The following NAV2 variants were observed in gnomAD, a reference collection of about 807,000 sequenced individuals.
NAV2 encodes neuron navigator 2, also known as helicase, APC down-regulated 1.
Under a neutral mutation model 223.2 loss-of-function variants are expected in NAV2, and 54 were observed. The ratio of observed to expected loss-of-function variants is 0.24; its 90% CI spans 0.19 to 0.30. NAV2 has a LOEUF of 0.30. Among genes scored for constraint, NAV2 ranks in the 10% least tolerant of loss-of-function variants. The probability of loss-of-function intolerance (pLI) is 1.00; values close to 1 mark genes in which losing one functional copy is unlikely to be tolerated. For synonymous variants in NAV2, 1,279 were observed against 1,239.3 expected, an observed-to-expected ratio of 1.03 and a Z score of -0.67; for missense variants, 2,806 against 3,147.5, an observed-to-expected ratio of 0.89 and a Z score of 2.60.
chr11:19,529,734 C>G (rs1254541596), intron 1 of NAV2, among the ~76,000 whole-genome samples: 1 of 152,128 alleles, frequency 6.6e-6, no homozygotes, highest in Non-Finnish European at 1.5e-5. Flanking sequence ...CAGGGCACCC[C>G]CTTGTCCTGA....
At chr11:19,433,307 C>T (rs1011702289) in intron 1 of NAV2, among the ~76,000 whole-genome samples, 1 of 152,050 alleles carries the variant, frequency 6.6e-6, no homozygotes, top group African/African-American at 2.4e-5. Flanking sequence ...GGTGAGCTCC[C>T]CATCAAAGAG....
At chr11:19,715,801 C>G (rs1443326494) in intron 1 of NAV2, among the ~76,000 whole-genome samples, 1 of 152,202 alleles carries the variant, frequency 6.6e-6, no homozygotes, top group Non-Finnish European at 1.5e-5. Context: ...CATTTCACCT[C>G]TCTCGCCCTC....
chr11:20,085,016 C>T (rs1268592480), intron 26 of NAV2, among the ~76,000 whole-genome samples: 1 of 151,768 alleles, frequency 6.6e-6, no homozygotes, highest in Non-Finnish European at 1.5e-5. Flanking sequence ...TAGTGAGACT[C>T]TGTCTCTACA....
chr11:19,470,205 A>G (rs182896850), intron 1 of NAV2, among the ~76,000 whole-genome samples: 1 of 152,322 alleles, frequency 6.6e-6, no homozygotes, highest in Admixed American at 6.5e-5. Context: ...ATGATTTTTC[A>G]TGACTCCAGT....
chr11:19,663,086 C>T, intron 1 of NAV2, among the ~76,000 whole-genome samples: 1 of 152,292 alleles, frequency 6.6e-6, no homozygotes, highest in East Asian at 1.9e-4. Context: ...CCAACCAGCC[C>T]ATGTTGACTC....
intron 1 of NAV2, among the ~76,000 whole-genome samples, chr11:19,543,385 C>T (rs1015846125): frequency 1.3e-5 from 2 of 152,178 alleles, no homozygotes; most frequent in African/African-American, 2.4e-5. Flanking sequence ...TGTCAACCAA[C>T]GTAACAGTAA....
rs1161857274 is a variant in NAV2, at chr11:19,393,895, GTTTTTTTTTTCTTT to G, written c.75+42879_75+42892del. ...TAAAAAGAGATTTTATAACTTAAGGGTTTTTTTTTTCTTTTTTTTTTTTTAGGTCAAATCTCACT... is the reference window on the plus strand; with the variant it reads ...TAAAAAGAGATTTTATAACTTAAGGGTTTTTTTTTTAGGTCAAATCTCACT... On this transcript the variant is annotated intron_variant, in intron 1 of 37. Coordinates refer to the NAV2 transcript ENST00000360655. Among the ~76,000 whole-genome samples the G allele has an allele frequency of 2.8e-3, 384 of 136,228 alleles. 3 individuals are homozygous for G. The highest frequency in any genetic ancestry group is 0.01 in the African/African-American group (374 of 36,766). 89.4% of individuals were successfully genotyped at this position (136,228 alleles called of 152,430 possible).
At chr11:20,066,675 G>T (rs1213266796) in intron 20 of NAV2, among the ~76,000 whole-genome samples, 1 of 152,180 alleles carries the variant, frequency 6.6e-6, no homozygotes, top group Non-Finnish European at 1.5e-5. Context: ...GAGTTCTAAT[G>T]AATCATACCC....
upstream of NAV2, among the ~76,000 whole-genome samples, chr11:19,346,257 C>T (rs1360694506): frequency 1.3e-5 from 2 of 152,132 alleles, no homozygotes; most frequent in East Asian, 1.9e-4. Context: ...TGCATGTCTG[C>T]GAGTATCTGC....
intron 5 of NAV2, among the ~76,000 whole-genome samples, chr11:19,884,558 T>C (rs545152735): frequency 6.6e-6 from 1 of 152,282 alleles, no homozygotes; most frequent in South Asian, 2.1e-4. Flanking sequence ...TGCAAGTGTG[T>C]GTGGGGGAAG....
At chr11:19,942,774 A>G (rs1243189715) in intron 8 of NAV2, among the ~76,000 whole-genome samples, 1 of 152,200 alleles carries the variant, frequency 6.6e-6, no homozygotes. Flanking sequence ...GCTTGAGGCC[A>G]GGAGTTTGAG....
At chr11:19,532,130 A>G (rs2044044517) in intron 1 of NAV2, among the ~76,000 whole-genome samples, 1 of 152,360 alleles carries the variant, frequency 6.6e-6, no homozygotes, top group East Asian at 1.9e-4. Context: ...AGGGAGATTC[A>G]TGGCCCATTT....
At chr11:19,350,771 C>T (rs1027804654) in exon 1 of NAV2, 18 of 617,976 alleles carry the variant, frequency 2.9e-5, no homozygotes, top group South Asian at 2.6e-4. Flanking sequence ...GCAGTGGTGC[C>T]GAGTGAGGTT....
Position 19,886,627 on chromosome 11 carries a change from T to C in NAV2, c.771-5807T>C, listed in dbSNP as rs541795259. Among the ~76,000 whole-genome samples the C allele has an allele frequency of 4.7e-4, 71 of 152,298 alleles. 1 individual carries two copies. In the South Asian group the frequency reaches 0.015, roughly 32 times the overall value. On this transcript the variant is annotated intron_variant, in intron 5 of 37. Transcript: ENST00000349880. Reference sequence around the variant, plus strand: ...GGGAGGAAACCTGAAATTTAGTGCCTGTTCCCACGATGTGCTCAGTCCTGC... The same window carrying C: ...GGGAGGAAACCTGAAATTTAGTGCCCGTTCCCACGATGTGCTCAGTCCTGC...
chr11:20,043,835 A>T (rs2153582844), intron 12 of NAV2, 146 bp from the exon 13 acceptor site: 2 of 663,204 alleles, frequency 3.0e-6, no homozygotes, highest in East Asian at 5.2e-5. Context: ...TAACAAGATA[A>T]CCAGAGTACA....
intron 1 of NAV2, among the ~76,000 whole-genome samples, chr11:19,595,473 A>G (rs1236208760): frequency 6.6e-6 from 1 of 152,248 alleles, no homozygotes; most frequent in Non-Finnish European, 1.5e-5. Flanking sequence ...CCCATTTTAT[A>G]GATGAGGAAA....
chr11:19,452,178 C>T (rs2702728), intron 1 of NAV2, among the ~76,000 whole-genome samples: 1,968 of 150,200 alleles, frequency 0.013, 45 homozygotes, highest in African/African-American at 0.046. Flanking sequence ...TCTTCATTTC[C>T]TTTCCAGTCT....
intron 3 of NAV2, among the ~76,000 whole-genome samples, chr11:19,855,164 G>A (rs2061349787): frequency 6.6e-6 from 1 of 152,036 alleles, no homozygotes; most frequent in Non-Finnish European, 1.5e-5. Context: ...AAAATTAACT[G>A]AAATAATAAT....
intron 3 of NAV2, among the ~76,000 whole-genome samples, chr11:19,846,308 G>C (rs907008759): frequency 6.6e-6 from 1 of 152,130 alleles, no homozygotes. Flanking sequence ...TCTAGCCTCT[G>C]GGCAGCATCA....
Sources: allele counts gnomAD v4.1 joint callset (sites outside exome capture counted in the v4.1 genomes callset), GRCh38; gene constraint gnomAD v4.1.1; transcripts MANE v1.5; gene names NCBI Gene and HGNC (gene_info 2026-07-23, HGNC 2026-07-21).